NUP214: variants seen among roughly 807,000 people sequenced by gnomAD.
The protein encoded by NUP214 is nucleoporin 214.
A neutral mutation model predicts 196.2 loss-of-function variants in NUP214; 79 were observed. That is an observed-to-expected ratio of 0.40 (90% CI 0.34 to 0.49). The LOEUF (loss-of-function observed/expected upper bound fraction) is 0.49, where lower values mean the gene tolerates loss of function less well. Ranked by LOEUF, NUP214 falls within the 20% of genes least tolerant of loss-of-function variation. The pLI is 0.58. For missense variants in NUP214, 2,468 were observed against 2,539.0 expected (o/e 0.97, Z 0.60); for synonymous variants, 1,020 against 990.5 (o/e 1.03, Z -0.56).
chr9:131,201,133 T>G (rs2131052425), intron 29 of NUP214, among the ~76,000 whole-genome samples: 1 of 148,892 alleles, frequency 6.7e-6, no homozygotes, highest in Admixed American at 6.8e-5. Flanking sequence ...ATAAGTTGAT[T>G]TATTATGGGC....
chr9:131,161,421 G>C (rs1832629151), intron 18 of NUP214, among the ~76,000 whole-genome samples: 1 of 152,040 alleles, frequency 6.6e-6, no homozygotes, highest in Non-Finnish European at 1.5e-5. Flanking sequence ...ACCACACCTG[G>C]CTAATTTTTG....
chr9:131,147,506 C>T lies in NUP214; in HGVS notation c.1962C>T (p.Gly654=), dbSNP rs747058799. The T allele has an allele frequency of 1.1e-5, 18 of 1,613,614 alleles. No individual in the cohort carries two copies. Among genetic ancestry groups the T allele is most frequent in the Non-Finnish European group, 1.4e-5 (17 of 1,179,744 alleles). Reference sequence around the variant, plus strand: ...TTCAAGCAGGACGATCTGCTCAGGGCAGTTCAAGCCCAGTGCCCTCAATGG... The same window carrying T: ...TTCAAGCAGGACGATCTGCTCAGGGTAGTTCAAGCCCAGTGCCCTCAATGG... The part of the protein sequence containing the change: ...LPSPSGRSAQ[G]SSSPVPSMVQ... The change falls in exon 14 of 36, where the codon GGC becomes GGT. Residue 654 remains glycine, a synonymous_variant. Transcript: ENST00000359428.
chr9:131,189,336 C>G (rs1833539757), intron 26 of NUP214, among the ~76,000 whole-genome samples: 1 of 152,110 alleles, frequency 6.6e-6, no homozygotes, highest in Admixed American at 6.5e-5. Context: ...TTAGTATGCC[C>G]TTCAATGGCT....
chr9:131,196,520 C>G (rs183984283), intron 28 of NUP214, among the ~76,000 whole-genome samples: 1 of 152,264 alleles, frequency 6.6e-6, no homozygotes, highest in Admixed American at 6.5e-5. Context: ...GTGCTTTACC[C>G]ATATTTCCTG....
chr9:131,141,905 C>A (rs530126427), intron 11 of NUP214: 1 of 152,128 alleles, frequency 6.6e-6, no homozygotes, highest in Non-Finnish European at 1.5e-5. Context: ...CAGTTTCTTA[C>A]CTAAGCAAAA....
intron 28 of NUP214, chr9:131,195,742 T>C (rs1390749274): frequency 1.9e-5 from 3 of 160,006 alleles, no homozygotes; most frequent in Non-Finnish European, 2.7e-5. Flanking sequence ...AATCCATCAA[T>C]AGACTGGGCG....
At chr9:131,180,182 A>G (rs1324377687) in intron 24 of NUP214, among the ~76,000 whole-genome samples, 1 of 152,258 alleles carries the variant, frequency 6.6e-6, no homozygotes, top group Non-Finnish European at 1.5e-5. Context: ...GAAATCTTGA[A>G]GAAACTTTCT....
intron 21 of NUP214, 52 bp from the exon 22 acceptor site, chr9:131,174,003 T>C: frequency 1.3e-6 from 2 of 1,584,156 alleles, no homozygotes; most frequent in African/African-American, 2.7e-5. Context: ...TTACTTAGCT[T>C]TTGGGCTTGC....
chr9:131,170,567 T>A (rs1374214814), intron 21 of NUP214, among the ~76,000 whole-genome samples: 1 of 152,216 alleles, frequency 6.6e-6, no homozygotes, highest in African/African-American at 2.4e-5. Context: ...AAAAATTTGT[T>A]GCTCTTATAA....
rs1831832555 is a variant in NUP214 at position 131,139,230 on chromosome 9, CTTTTTCTTTTTTCTTCTTCTTCTTCTTTT to C, written c.1006-45_1006-17del. On this transcript the variant is annotated intron_variant, in intron 9 of 35. Transcript: ENST00000359428. ...CAATGCAAAGCTCTAACCAACATGG[CTTTTTCTTTTTTCTTCTTCTTCTTCTTTT>C]TTTTTTTTTTTTTTTTTTTAGATTA... 20 of 1,425,606 alleles carry C rather than the reference CTTTTTCTTTTTTCTTCTTCTTCTTCTTTT, an allele frequency of 1.4e-5. No individual in the cohort carries two copies. The South Asian group carries it at 3.0e-4, about 21-fold the overall frequency. The allele number at this position is 1,425,606 out of a possible 1,614,324, so 88.3% of individuals were successfully genotyped here.
rs528695111 is a variant in NUP214 at position 131,187,383 on chromosome 9, C to CTTTTTTT, written c.3495+34_3495+40dup. The CTTTTTTT allele has an allele frequency of 2.7e-5, 29 of 1,056,556 alleles. No individual in the cohort carries two copies. Among genetic ancestry groups the CTTTTTTT allele is most frequent in the African/African-American group, 7.4e-5 (4 of 53,800 alleles). 65.4% of individuals were successfully genotyped at this position (1,056,556 alleles called of 1,614,324 possible). A position where few individuals can be genotyped will look rare whatever the true frequency, so the allele number is the denominator to read the frequency against. ...CAAGCAGGTAACTTACTGATTTTTA[C>CTTTTTTT]TTTTTTTTTTTTTTTTTTTTTGAGA... On this transcript the variant is annotated intron_variant, in intron 25 of 35. Transcript: ENST00000359428.
At position 131,150,800 on chromosome 9, in the gene NUP214, T is replaced by G. The variant is rs562358017; in HGVS notation, c.2277+35T>G. 5.1e-6 allele frequency: 8 copies of G among 1,579,470 alleles called. No homozygotes were observed. The African/African-American group carries it at 1.1e-4, about 22-fold the overall frequency. Reference sequence around the variant, plus strand: ...TATGGATACTTTTCCTGAGTTGAATTGCATTTAACAATTTTTTTCTCCTAG... The same window carrying G: ...TATGGATACTTTTCCTGAGTTGAATGGCATTTAACAATTTTTTTCTCCTAG... On this transcript the variant is annotated intron_variant, in intron 16 of 35. Coordinates refer to ENST00000359428, the MANE Select transcript of NUP214 (RefSeq NM_005085.4).
At chr9:131,130,132 G>GTTTTT (rs1245763919) in intron 4 of NUP214, among the ~76,000 whole-genome samples, 2 of 46,546 alleles carry the variant, frequency 4.3e-5, no homozygotes, top group South Asian at 1.0e-3. Context: ...ATGATTTCTG[G>GTTTTT]TTTTGTTTTT....
intron 19 of NUP214, 139 bp from the exon 20 acceptor site, chr9:131,163,731 A>G (rs959349976): frequency 2.9e-6 from 2 of 684,656 alleles, no homozygotes; most frequent in Non-Finnish European, 5.2e-6. Flanking sequence ...GATTAATTCC[A>G]TCAGTTGGTC....
At chr9:131,192,087 C>A (rs10901356) in intron 26 of NUP214, 121 bp from the exon 27 acceptor site, 392,869 of 600,554 alleles carry the variant, frequency 0.65, 130,604 homozygotes, top group Admixed American at 0.74. Context: ...ACAGAAGGCA[C>A]ATGTGGTGCT....
Position 131,150,371 on chromosome 9 carries a change from G to T in NUP214, c.2088G>T (p.Trp696Cys). The change falls in exon 15 of 36, where the codon TGG becomes TGT. Residue 696 changes from tryptophan to cysteine, a missense_variant. This residue lies in a region of NUP214 where 1,801 missense variants were observed against 1,779.4 expected (regional missense o/e 1.01). Transcript: ENST00000359428. ...TTGCAGAAAAGCAGGGACATCAGTG[G>T]AAAGATTCAGATCCTGTAATGGCTG... is the stretch of plus-strand genomic sequence containing the variant. ...PAVAEKQGHQ[W>C]KDSDPVMAGI... is the part of the protein sequence containing the mutation. The T allele has an allele frequency of 6.2e-7, 1 of 1,614,216 alleles. No individual in the cohort carries two copies. Among genetic ancestry groups the T allele is most frequent in the Non-Finnish European group, 8.5e-7 (1 of 1,180,028 alleles).
chr9:131,133,999 T>C (rs1831639939), intron 7 of NUP214, among the ~76,000 whole-genome samples: 1 of 152,196 alleles, frequency 6.6e-6, no homozygotes, highest in African/African-American at 2.4e-5. Flanking sequence ...CAGGCTGGCA[T>C]GTAGTGGTGC....
At chr9:131,200,048 T>G (rs1833899441) in intron 29 of NUP214, among the ~76,000 whole-genome samples, 1 of 151,828 alleles carries the variant, frequency 6.6e-6, no homozygotes, top group Non-Finnish European at 1.5e-5. Flanking sequence ...GCCCTATGAG[T>G]CTTAGAGGAG....
At chr9:131,175,786 C>A in intron 23 of NUP214, 165 bp downstream of exon 23, 1 of 1,042,626 alleles carries the variant, frequency 9.6e-7, no homozygotes, top group Non-Finnish European at 1.3e-6. Context: ...TCTAAGAAAG[C>A]AGAGACTAGG....
Sources: gnomAD v4.1 joint callset for allele counts (sites outside exome capture counted in the v4.1 genomes callset) on GRCh38, gnomAD v4.1.1 for gene constraint, gnomAD v4.1.1 regional missense constraint, MANE v1.5 for transcripts, NCBI Gene and HGNC (gene_info 2026-07-23, HGNC 2026-07-21) for gene names.